CNOT8: variants seen among roughly 807,000 people sequenced by gnomAD.
CNOT8 encodes the protein CCR4-NOT transcription complex subunit 8, also known as CAF1-like protein.
Under a neutral mutation model 34.6 loss-of-function variants are expected in CNOT8, and 18 were observed. The ratio of observed to expected loss-of-function variants is 0.52; its 90% CI spans 0.36 to 0.77. The LOEUF is 0.77. Among genes scored for constraint, CNOT8 ranks in the 30% least tolerant of loss-of-function variants. The pLI, the probability that CNOT8 is intolerant of heterozygous loss-of-function variation, is 0.00. For synonymous variants in CNOT8, 101 were observed against 118.8 expected, an observed-to-expected ratio of 0.85 and a Z score of 0.98; for missense variants, 189 against 347.9, an observed-to-expected ratio of 0.54 and a Z score of 3.63.
intron 5 of CNOT8, 71 bp downstream of exon 5, chr5:154,871,945 T>TA (rs1762517431): frequency 7.3e-7 from 1 of 1,376,412 alleles, no homozygotes; most frequent in Admixed American, 2.1e-5. Context: ...GCTTTATTGT[T>TA]ACGTGTTCAG....
rs557300970 is a variant in CNOT8, at chr5:154,865,632, C to G, written c.311+247C>G. On this transcript the variant is annotated intron_variant, in intron 3 of 6. Transcript: ENST00000285896. Reference sequence around the variant, plus strand: ...AAGCACATGAAAAGATGCTCAACATCATTAGTCATGAGGGAAATGCAAATT... The same window carrying G: ...AAGCACATGAAAAGATGCTCAACATGATTAGTCATGAGGGAAATGCAAATT... Among the ~76,000 whole-genome samples the G allele has an allele frequency of 7.2e-5, 11 of 152,242 alleles. No homozygotes were observed. The South Asian group carries it at 2.3e-3, about 32-fold the overall frequency.
In CNOT8 at chr5:154,863,347, G is replaced by A. The variant is rs1392051672; in HGVS notation, c.69G>A (p.Glu23=). The stretch of plus-strand genomic sequence containing the variant: ...TGTGGGCCAGTAATCTAGAAGAAGA[G>A]ATGAGGAAGATCCGAGAAATCGTGC... ...CEVWASNLEE[E]MRKIREIVLS... The change falls in exon 2 of 7, where the codon GAG becomes GAA. Residue 23 remains glutamate (E), a synonymous_variant. Transcript: ENST00000285896. 1 of 1,614,086 alleles carries A rather than the reference G, an allele frequency of 6.2e-7. No individual in the cohort carries two copies. The highest frequency in any genetic ancestry group is 8.5e-7 in the Non-Finnish European group (1 of 1,179,950).
intron 3 of CNOT8, among the ~76,000 whole-genome samples, chr5:154,868,517 G>A (rs1037730531): frequency 6.6e-6 from 1 of 152,104 alleles, no homozygotes; most frequent in South Asian, 2.1e-4. Context: ...ACCCACTCTG[G>A]TCTCCCAAAG....
chr5:154,862,238 A>G (rs931910198), intron 1 of CNOT8, among the ~76,000 whole-genome samples: 10 of 150,502 alleles, frequency 6.6e-5, no homozygotes, highest in African/African-American at 2.5e-4. Flanking sequence ...AAAAGTAAAT[A>G]CTGGCCGGTG....
chr5:154,870,388 TG>T, intron 3 of CNOT8: 1 of 247,570 alleles, frequency 4.0e-6, no homozygotes, highest in South Asian at 5.8e-5. Context: ...CTGGTGTTAT[TG>T]GTTTTTTTTT....
At chr5:154,866,328 A>AT (rs1333131533) in intron 3 of CNOT8, among the ~76,000 whole-genome samples, 2 of 152,090 alleles carry the variant, frequency 1.3e-5, no homozygotes, top group Admixed American at 6.6e-5. Context: ...TGCCCAGCTG[A>AT]TTTTTTGTAG....
intron 1 of CNOT8, among the ~76,000 whole-genome samples, chr5:154,860,118 A>C (rs1761182334): frequency 6.6e-6 from 1 of 152,156 alleles, no homozygotes; most frequent in South Asian, 2.1e-4. Context: ...AAGTAATTAG[A>C]TTACCTTTAG....
intron 4 of CNOT8, among the ~76,000 whole-genome samples, chr5:154,871,254 G>A (rs1762456452): frequency 6.6e-6 from 1 of 152,010 alleles, no homozygotes; most frequent in Non-Finnish European, 1.5e-5. Context: ...CTGTTAGGTT[G>A]TTATTAGAAA....
At position 154,875,558 on chromosome 5, in the gene CNOT8, T is replaced by C. The variant is rs1288893957; in HGVS notation, c.*119T>C. 1.5e-5 allele frequency: 16 copies of C among 1,090,216 alleles called. No individual in the cohort carries two copies. Among genetic ancestry groups the C allele is most frequent in the Admixed American group, 2.9e-5 (1 of 34,724 alleles). 67.5% of individuals were successfully genotyped at this position (1,090,216 alleles called of 1,614,324 possible). ...GAGCACACTGTACCTACCATCTGCA[T>C]TGAGCAGAAAGACTTTTGTTTTACT... On this transcript the variant is annotated 3_prime_UTR_variant, in exon 7 of 7. Coordinates refer to ENST00000285896, the MANE Select transcript of CNOT8 (RefSeq NM_001301073.2).
At position 154,875,404 on chromosome 5, in the gene CNOT8, A is replaced by C; in HGVS notation, c.844A>C (p.Ser282Arg). Residue 282 changes from serine (S) to arginine (R), a missense_variant, in exon 7 of 7, where the codon AGC becomes CGC. Around this residue, in one of 2 missense-constraint regions of CNOT8, gnomAD observed 29 missense variants for 26.1 expected, o/e 1.11. Transcript: ENST00000285896. The stretch of plus-strand genomic sequence containing the variant: ...TGTGGACTCTGCCCAGGAGAAGATG[A>C]GCATCCTGGCGATTATCAACAACAT... ...EDVDSAQEKM[S>R]ILAIINNMQQ is the part of the protein sequence containing the mutation. 1.2e-6 allele frequency: 2 copies of C among 1,613,946 alleles called. No individual in the cohort carries two copies. Among genetic ancestry groups the C allele is most frequent in the Non-Finnish European group, 1.7e-6 (2 of 1,180,018 alleles).
chr5:154,858,355 G>C (rs1235683372), upstream of CNOT8: 1 of 152,286 alleles, frequency 6.6e-6, no homozygotes, highest in Non-Finnish European at 1.5e-5. Flanking sequence ...CGTGCTTCCA[G>C]GCCTCCACTC....
At position 154,875,391 on chromosome 5, in the gene CNOT8, C is replaced by T; in HGVS notation, c.831C>T (p.Ala277=). The T allele has an allele frequency of 6.2e-7, 1 of 1,613,974 alleles. No homozygotes were observed. Residue 277 remains alanine, a synonymous_variant, in exon 7 of 7, where the codon GCC becomes GCT. Transcript: ENST00000285896. The part of the protein sequence containing the change: ...AQKQNEDVDS[A]QEKMSILAII... The stretch of plus-strand genomic sequence containing the variant: ...AGCAGAATGAGGATGTGGACTCTGC[C>T]CAGGAGAAGATGAGCATCCTGGCGA...
intron 3 of CNOT8, chr5:154,867,601 A>G (rs1762021642): frequency 1.1e-5 from 2 of 181,772 alleles, no homozygotes; most frequent in South Asian, 1.5e-4. Flanking sequence ...CTACTTTTTC[A>G]TAGATAAAGC....
intron 3 of CNOT8, among the ~76,000 whole-genome samples, chr5:154,868,298 T>TC (rs1358212742): frequency 4.1e-5 from 6 of 146,722 alleles, no homozygotes; most frequent in Admixed American, 2.8e-4. Context: ...AGGTAATGTC[T>TC]TGCTTTGTCA....
intron 6 of CNOT8, among the ~76,000 whole-genome samples, chr5:154,873,535 T>C (rs1429303189): frequency 6.6e-6 from 1 of 152,232 alleles, no homozygotes; most frequent in African/African-American, 2.4e-5. Context: ...AATTAGACTC[T>C]TAATTTCTTC....
At chr5:154,870,946 A>G in intron 4 of CNOT8, 124 bp downstream of exon 4, 1 of 807,236 alleles carries the variant, frequency 1.2e-6, no homozygotes, top group Non-Finnish European at 2.0e-6. Context: ...CAGAAGTTGA[A>G]TTGGTGCTTG....
chr5:154,873,337 G>A (rs907947712), intron 6 of CNOT8, among the ~76,000 whole-genome samples: 3 of 152,222 alleles, frequency 2.0e-5, no homozygotes, highest in African/African-American at 7.2e-5. Context: ...CAGTAACCAA[G>A]TATTCTTGAG....
At chr5:154,859,201 G>A (rs1761089985) in intron 1 of CNOT8, 1 of 152,240 alleles carries the variant, frequency 6.6e-6, no homozygotes, top group African/African-American at 2.4e-5. Flanking sequence ...GAAGAATGGC[G>A]TGTCAGAAGG....
At chr5:154,867,105 T>G (rs958826621) in intron 3 of CNOT8, among the ~76,000 whole-genome samples, 1 of 152,228 alleles carries the variant, frequency 6.6e-6, no homozygotes, top group African/African-American at 2.4e-5. Flanking sequence ...CAAGTGAAAG[T>G]CTAGTGGAAC....
Sources: gnomAD v4.1 joint callset for allele counts (sites outside exome capture counted in the v4.1 genomes callset) on GRCh38, gnomAD v4.1.1 for gene constraint, gnomAD v4.1.1 regional missense constraint, MANE v1.5 for transcripts, NCBI Gene and HGNC (gene_info 2026-07-23, HGNC 2026-07-21) for gene names.